Variants in GNPTG observed in about 807,000 individuals in gnomAD.
GNPTG encodes the protein N-acetylglucosamine-1-phosphotransferase subunit gamma.
GNPTG carries 46 observed loss-of-function variants against 43.8 expected under a neutral mutation model. That is an observed-to-expected ratio of 1.05 (90% CI 0.83 to 1.34). The LOEUF (loss-of-function observed/expected upper bound fraction) is 1.34. GNPTG is among the 40% of genes most tolerant of loss of function. The pLI is 0.00. For missense variants in GNPTG, 549 were observed against 411.3 expected (o/e 1.33, Z -2.90); for synonymous variants, 250 against 172.8 (o/e 1.45, Z -3.50).
chr16:1,361,868 C>T lies in GNPTG; in HGVS notation c.234-4C>T, dbSNP rs751393135. On this transcript the variant is annotated splice_polypyrimidine_tract_variant and splice_region_variant and intron_variant, in intron 4 of 10. Coordinates refer to ENST00000204679, the MANE Select transcript of GNPTG (RefSeq NM_032520.5). ...GACCCCCCTCATGCCATCTGTGTCC[C>T]CAGGTACAAGTATGAGTTCTGCCCG... is the stretch of plus-strand genomic sequence containing the variant. The T allele has an allele frequency of 6.2e-7, 1 of 1,613,914 alleles. No individual in the cohort carries two copies. The highest frequency in any genetic ancestry group is 8.5e-7 in the Non-Finnish European group (1 of 1,180,026).
At chr16:1,359,784 T>C (rs1385467237) in intron 3 of GNPTG, among the ~76,000 whole-genome samples, 2 of 152,100 alleles carry the variant, frequency 1.3e-5, no homozygotes, top group Non-Finnish European at 2.9e-5. Context: ...AATCTGCAGA[T>C]CACTCTGGGT....
intron 3 of GNPTG, among the ~76,000 whole-genome samples, chr16:1,354,128 C>A (rs2034731248): frequency 6.6e-6 from 1 of 152,138 alleles, no homozygotes; most frequent in African/African-American, 2.4e-5. Flanking sequence ...GGTGGCTTCC[C>A]AGGGCCTGAA....
chr16:1,352,008 T>G lies in GNPTG; in HGVS notation c.43T>G (p.Ser15Ala). The G allele has an allele frequency of 6.9e-7, 1 of 1,458,778 alleles. No homozygotes were observed. The highest frequency in any genetic ancestry group is 9.0e-7 in the Non-Finnish European group (1 of 1,110,486). 90.4% of individuals were successfully genotyped at this position (1,458,778 alleles called of 1,614,324 possible). ...GCGGCTCCTGTTGCTCCTCGGGCTC[T>G]CGGCCGGCGGTGAGTGGCCCGGCCG... ...LARLLLLLGL[S>A]AGGPAPAGAA... The change falls in exon 1 of 11, where the codon TCG (serine) becomes GCG (alanine). Residue 15 changes from serine to alanine, a missense_variant. Transcript: ENST00000204679.
chr16:1,362,394 T>TG (rs2034914525), intron 7 of GNPTG, 58 bp from the exon 8 acceptor site: 1 of 1,609,878 alleles, frequency 6.2e-7, no homozygotes, highest in African/African-American at 1.3e-5. Context: ...CCTGTAGTGC[T>TG]GGGGGCCAGG....
At position 1,363,083 on chromosome 16, in the gene GNPTG, A is replaced by G. The variant is rs7187001; in HGVS notation, c.910A>G (p.Ser304Gly). Reference protein sequence around the residue: ...QLRGDPGLRGSL With the variant: ...QLRGDPGLRGGL ...GCGGGGTGACCCAGGACTGCGTGGGAGTTTGTGACCTTGTGGTGGGAGAGC... is the reference window on the plus strand; with the variant it reads ...GCGGGGTGACCCAGGACTGCGTGGGGGTTTGTGACCTTGTGGTGGGAGAGC... Residue 304 changes from serine (S) to glycine (G), a missense_variant, in exon 11 of 11, where the codon AGT becomes GGT. Ser to Gly is a moderately conservative substitution (Grantham distance 56). Coordinates refer to ENST00000204679, the MANE Select transcript of GNPTG (RefSeq NM_032520.5). 5.6e-4 allele frequency: 909 copies of G among 1,613,756 alleles called. 5 individuals are homozygous for G. The African/African-American group carries it at 0.01, about 18-fold the overall frequency.
In GNPTG at chr16:1,362,526, A is replaced by G. The variant is rs764889321; in HGVS notation, c.601A>G (p.Thr201Ala). 6.2e-7 allele frequency: 1 copy of G among 1,613,738 alleles called. No homozygotes were observed. The highest frequency in any genetic ancestry group is 2.2e-5 in the East Asian group (1 of 44,862). ...GCAGGACCTGGCCGATGAGCTGATC[A>G]CCCCCCAGGTAAGCGTGCGCTCGGG... ...VEQDLADELITPQGHEKLLRT... is the reference protein window; with the variant it reads ...VEQDLADELIAPQGHEKLLRT... Residue 201 changes from threonine to alanine, a missense_variant, in exon 8 of 11, where the codon ACC becomes GCC. Coordinates refer to ENST00000204679, the MANE Select transcript of GNPTG (RefSeq NM_032520.5).
At chr16:1,355,593 G>A (rs144417639) in intron 3 of GNPTG, among the ~76,000 whole-genome samples, 10 of 152,264 alleles carry the variant, frequency 6.6e-5, no homozygotes, top group African/African-American at 1.7e-4. Flanking sequence ...ACAGTGTCCC[G>A]CTGTGGCATG....
Position 1,363,686 on chromosome 16 carries a change from C to A in GNPTG, c.*595C>A. 5.8e-6 allele frequency: 1 copy of A among 172,672 alleles called. No individual in the cohort carries two copies. The highest frequency in any genetic ancestry group is 1.3e-5 in the Non-Finnish European group (1 of 79,890). 10.7% of individuals were successfully genotyped at this position (172,672 alleles called of 1,614,324 possible). A position where few individuals can be genotyped will look rare whatever the true frequency, so the allele number is the denominator to read the frequency against. On this transcript the variant is annotated 3_prime_UTR_variant, in exon 11 of 11. Transcript: ENST00000204679. ...TGCTGTGCCTCAGCCACCTAGGAGC[C>A]ATCCCTGAGGCCATGGCCACCAAGA... is the stretch of plus-strand genomic sequence containing the variant.
intron 3 of GNPTG, among the ~76,000 whole-genome samples, chr16:1,354,136 GAA>G (rs1400813290): frequency 6.6e-6 from 1 of 152,176 alleles, no homozygotes; most frequent in Non-Finnish European, 1.5e-5. Flanking sequence ...CCCAGGGCCT[GAA>G]GTGCTGGAGT....
At chr16:1,357,130 C>G (rs1196838045) in intron 3 of GNPTG, among the ~76,000 whole-genome samples, 1 of 152,248 alleles carries the variant, frequency 6.6e-6, no homozygotes, top group East Asian at 1.9e-4. Flanking sequence ...GAGGTAGAGC[C>G]CCCAGCGGTC....
chr16:1,361,682 C>A, intron 3 of GNPTG, 61 bp from the exon 4 acceptor site: 1 of 1,564,392 alleles, frequency 6.4e-7, no homozygotes, highest in Non-Finnish European at 8.8e-7. Context: ...ACAGACTCTG[C>A]CAGTCTTTGC....
chr16:1,352,198 G>T, intron 2 of GNPTG, 39 bp downstream of exon 2: 2 of 1,552,800 alleles, frequency 1.3e-6, no homozygotes, highest in Non-Finnish European at 1.7e-6. Flanking sequence ...AGCGGGGGAC[G>T]GCCCGGGCCC....
rs1316079546 is a variant in GNPTG at position 1,352,257 on chromosome 16, G to A, written c.129G>A (p.Leu43=). The change falls in exon 3 of 11, where the codon TTG becomes TTA. Residue 43 remains leucine (L), a synonymous_variant. Coordinates refer to ENST00000204679, the MANE Select transcript of GNPTG (RefSeq NM_032520.5). ...CCCGTAGGGTGAACAACCCGTTCTT[G>A]CCTCAGGCCAGTCGCCTCCAGGCCA... ...PNAFGVNNPF[L]PQASRLQAKR... is the part of the protein sequence containing the mutation. 4 of 1,548,610 alleles carry A rather than the reference G, an allele frequency of 2.6e-6. No individual in the cohort carries two copies. The highest frequency in any genetic ancestry group is 1.4e-5 in the African/African-American group (1 of 73,120).
Position 1,352,091 on chromosome 16 carries a change from G to A in GNPTG, c.53-11G>A. On this transcript the variant is annotated splice_polypyrimidine_tract_variant and intron_variant, in intron 1 of 10. Transcript: ENST00000204679. ...CCCCGGCCTCCCCGCTCACGGTCTCGCTCCCCGTAGGGCCCGCGCCGGCAG... is the reference window on the plus strand; with the variant it reads ...CCCCGGCCTCCCCGCTCACGGTCTCACTCCCCGTAGGGCCCGCGCCGGCAG... 12 of 1,561,260 alleles carry A rather than the reference G, an allele frequency of 7.7e-6. No individual in the cohort carries two copies. Among genetic ancestry groups the A allele is most frequent in the Non-Finnish European group, 9.5e-6 (11 of 1,154,662 alleles).
Position 1,363,692 on chromosome 16 carries a change from T to G in GNPTG, c.*601T>G, listed in dbSNP as rs1206254192. ...GCCTCAGCCACCTAGGAGCCATCCC[T>G]GAGGCCATGGCCACCAAGACAGGTG... On this transcript the variant is annotated 3_prime_UTR_variant, in exon 11 of 11. Transcript: ENST00000204679. 1 of 170,220 alleles carries G rather than the reference T, an allele frequency of 5.9e-6. No homozygotes were observed. The highest frequency in any genetic ancestry group is 1.3e-5 in the Non-Finnish European group (1 of 78,460). The allele number at this position is 170,220 out of a possible 1,614,324, so 10.5% of individuals were successfully genotyped here. A position where few individuals can be genotyped will look rare whatever the true frequency, so the allele number is the denominator to read the frequency against.
At chr16:1,361,991 G>C in intron 5 of GNPTG, 36 bp downstream of exon 5, 3 of 1,613,130 alleles carry the variant, frequency 1.9e-6, no homozygotes, top group Non-Finnish European at 2.5e-6. Context: ...CAAAGCAGCA[G>C]CGCAGCTCCC....
chr16:1,356,301 C>T (rs867550658), intron 3 of GNPTG, among the ~76,000 whole-genome samples: 4 of 152,148 alleles, frequency 2.6e-5, no homozygotes, highest in South Asian at 2.1e-4. Flanking sequence ...GCCGTGAACA[C>T]GGAGCCTGCA....
intron 3 of GNPTG, chr16:1,361,461 G>T: frequency 2.5e-6 from 1 of 394,884 alleles, no homozygotes; most frequent in Non-Finnish European, 4.8e-6. Flanking sequence ...TGGCTAACGC[G>T]GTGAAACCCC....
In GNPTG at chr16:1,363,074, C is replaced by T. The variant is rs754236475; in HGVS notation, c.901C>T (p.Leu301=). The T allele has an allele frequency of 1.6e-5, 26 of 1,613,968 alleles. No homozygotes were observed. The highest frequency in any genetic ancestry group is 2.1e-5 in the Non-Finnish European group (25 of 1,180,018). The change falls in exon 11 of 11, where the codon CTG becomes TTG. Residue 301 remains leucine (L), a synonymous_variant. Coordinates refer to ENST00000204679, the MANE Select transcript of GNPTG (RefSeq NM_032520.5). Reference sequence around the variant, plus strand: ...AGAGCAGCTGCGGGGTGACCCAGGACTGCGTGGGAGTTTGTGACCTTGTGG... The same window carrying T: ...AGAGCAGCTGCGGGGTGACCCAGGATTGCGTGGGAGTTTGTGACCTTGTGG... The part of the protein sequence containing the change: ...SPEQLRGDPG[L]RGSL
Sources: allele counts gnomAD v4.1 joint callset (sites outside exome capture counted in the v4.1 genomes callset), GRCh38; gene constraint gnomAD v4.1.1; transcripts MANE v1.5; gene names NCBI Gene and HGNC (gene_info 2026-07-23, HGNC 2026-07-21).